The following NTRK2 variants were observed in gnomAD, a reference collection of about 807,000 sequenced individuals.
NTRK2 encodes the protein neurotrophic receptor tyrosine kinase 2.
A neutral mutation model predicts 94.5 loss-of-function variants in NTRK2; 13 were observed. The ratio of observed to expected loss-of-function variants is 0.14; its 90% CI spans 0.09 to 0.22. NTRK2 has a LOEUF of 0.22. Among genes scored for constraint, NTRK2 ranks in the 10% least tolerant of loss-of-function variants. The probability of loss-of-function intolerance (pLI) is 1.00; values close to 1 mark genes in which losing one functional copy is unlikely to be tolerated. For synonymous variants in NTRK2, 372 were observed against 407.4 expected (o/e 0.91, Z 1.05); for missense variants, 639 against 1,071.2 (o/e 0.60, Z 5.63).
At chr9:84,858,262 T>C (rs2131963680) in intron 12 of NTRK2, among the ~76,000 whole-genome samples, 1 of 152,306 alleles carries the variant, frequency 6.6e-6, no homozygotes, top group Admixed American at 6.5e-5. Flanking sequence ...ATAATCCTGA[T>C]TTCACCCTGC....
At chr9:84,836,998 T>C (rs1025766581) in intron 12 of NTRK2, among the ~76,000 whole-genome samples, 1 of 146,468 alleles carries the variant, frequency 6.8e-6, no homozygotes, top group African/African-American at 2.5e-5. Context: ...TACTGGAATA[T>C]ACTATAACAG....
chr9:85,011,813 G>C (rs1237247006), intron 17 of NTRK2, among the ~76,000 whole-genome samples: 2 of 152,062 alleles, frequency 1.3e-5, no homozygotes, highest in African/African-American at 4.8e-5. Context: ...TAAGCCTTTG[G>C]AGAGATGGTC....
At chr9:84,744,067 T>C (rs2032916295) in intron 10 of NTRK2, among the ~76,000 whole-genome samples, 1 of 152,192 alleles carries the variant, frequency 6.6e-6, no homozygotes, top group African/African-American at 2.4e-5. Context: ...GGATGGAAAT[T>C]GAAGGCAGTG....
intron 16 of NTRK2, among the ~76,000 whole-genome samples, chr9:84,951,185 T>C (rs1296516678): frequency 6.6e-6 from 1 of 152,214 alleles, no homozygotes; most frequent in Non-Finnish European, 1.5e-5. Context: ...GCTTTTCCTA[T>C]GATTGTGTGG....
intron 12 of NTRK2, chr9:84,813,754 T>C: frequency 9.4e-7 from 1 of 1,066,066 alleles, no homozygotes; most frequent in Non-Finnish European, 1.1e-6. Flanking sequence ...TATCTGACAC[T>C]AATTTCTTTT....
intron 15 of NTRK2, among the ~76,000 whole-genome samples, chr9:84,939,000 C>T (rs575810722): frequency 1.5e-5 from 2 of 129,884 alleles, no homozygotes; most frequent in Non-Finnish European, 3.1e-5. Flanking sequence ...TGTAGTGAGC[C>T]GAGATTGCAC....
chr9:84,927,705 C>G (rs2077873220), intron 14 of NTRK2, among the ~76,000 whole-genome samples: 1 of 152,118 alleles, frequency 6.6e-6, no homozygotes, highest in African/African-American at 2.4e-5. Context: ...CTAATCCACT[C>G]CTCCTCTTTG....
At chr9:84,997,063 G>A (rs79465496) in intron 17 of NTRK2, among the ~76,000 whole-genome samples, 1,754 of 152,250 alleles carry the variant, frequency 0.012, 43 homozygotes, top group African/African-American at 0.039. Context: ...TTTCCACCTC[G>A]CTGTGGAGGC....
chr9:84,815,311 A>G (rs2072275724), intron 12 of NTRK2: 3 of 1,049,206 alleles, frequency 2.9e-6, no homozygotes, highest in Non-Finnish European at 3.5e-6. Context: ...GTGGGTTTTT[A>G]TGGGGAAAAA....
At chr9:84,834,631 G>A (rs183919092) in intron 12 of NTRK2, among the ~76,000 whole-genome samples, 1 of 152,252 alleles carries the variant, frequency 6.6e-6, no homozygotes, top group African/African-American at 2.4e-5. Context: ...TATAACAATT[G>A]ACTTCATCTT....
intron 12 of NTRK2, among the ~76,000 whole-genome samples, chr9:84,809,225 G>A (rs1055921450): frequency 1.3e-5 from 2 of 152,124 alleles, no homozygotes; most frequent in Middle Eastern, 3.4e-3. Flanking sequence ...TAGATTCACT[G>A]TCATTTATTG....
chr9:85,008,939 TG>T (rs1409953545), intron 17 of NTRK2, among the ~76,000 whole-genome samples: 3 of 152,272 alleles, frequency 2.0e-5, no homozygotes, highest in Non-Finnish European at 1.5e-5. Flanking sequence ...TTTAGTCTAC[TG>T]GGGAAGTTTA....
intron 9 of NTRK2, among the ~76,000 whole-genome samples, chr9:84,737,586 A>C (rs2063344681): frequency 6.6e-6 from 1 of 152,072 alleles, no homozygotes; most frequent in Admixed American, 6.6e-5. Context: ...GCTCCCTGGG[A>C]AGCTTTGTCA....
At chr9:84,975,786 G>C (rs62563929) in intron 17 of NTRK2, among the ~76,000 whole-genome samples, 123,611 of 150,702 alleles carry the variant, frequency 0.82, 50,491 homozygotes, top group African/African-American at 0.87. Flanking sequence ...TGTGTGAATT[G>C]TATTCACACA....
intron 17 of NTRK2, among the ~76,000 whole-genome samples, chr9:84,991,486 C>T (rs1452768192): frequency 1.3e-5 from 2 of 152,168 alleles, no homozygotes; most frequent in East Asian, 1.9e-4. Flanking sequence ...ATCCCCTGGT[C>T]GGTTCTCAAC....
intron 17 of NTRK2, among the ~76,000 whole-genome samples, chr9:84,982,488 A>C (rs1352014673): frequency 6.6e-6 from 1 of 152,212 alleles, no homozygotes; most frequent in African/African-American, 2.4e-5. Context: ...AGAACCCATT[A>C]GGTCTGAATC....
chr9:85,020,503 A>G (rs1832690341), intron 18 of NTRK2, 139 bp downstream of exon 18: 9 of 847,472 alleles, frequency 1.1e-5, no homozygotes, highest in South Asian at 2.8e-5. Flanking sequence ...CTTCCCAAGT[A>G]GCCTGCTATG....
intron 14 of NTRK2, among the ~76,000 whole-genome samples, chr9:84,883,747 T>A (rs867389153): frequency 1.3e-4 from 20 of 152,360 alleles, no homozygotes; most frequent in South Asian, 2.1e-4. Flanking sequence ...GCAATTTTTT[T>A]AATCTATATA....
intron 2 of NTRK2, among the ~76,000 whole-genome samples, chr9:84,682,955 A>G (rs2059484908): frequency 6.6e-6 from 1 of 152,174 alleles, no homozygotes; most frequent in Non-Finnish European, 1.5e-5. Flanking sequence ...TCTTGTGTGT[A>G]CCTTCTACTT....
Sources: allele counts gnomAD v4.1 joint callset (sites outside exome capture counted in the v4.1 genomes callset), GRCh38; gene constraint gnomAD v4.1.1; transcripts MANE v1.5; gene names NCBI Gene and HGNC (gene_info 2026-07-23, HGNC 2026-07-21).